Variants in GALNT14 observed in about 807,000 individuals in gnomAD.
GALNT14 encodes the protein polypeptide N-acetylgalactosaminyltransferase 14.
GALNT14 carries 60 observed loss-of-function variants against 77.5 expected under a neutral mutation model. That is an observed-to-expected ratio of 0.77 (90% CI 0.63 to 0.96). The LOEUF (loss-of-function observed/expected upper bound fraction) is 0.96, where lower values mean the gene tolerates loss of function less well. GALNT14 is among the 40% of genes least tolerant of loss of function. The pLI is 0.00. For synonymous variants in GALNT14, 280 were observed against 281.7 expected, an observed-to-expected ratio of 0.99 and a Z score of 0.06; for missense variants, 710 against 731.0, an observed-to-expected ratio of 0.97 and a Z score of 0.33.
At chr2:31,134,680 C>G (rs10168512) in intron 1 of GALNT14, among the ~76,000 whole-genome samples, 42,291 of 152,092 alleles carry the variant, frequency 0.28, 7,150 homozygotes, top group East Asian at 0.55. Context: ...GCCTTAGCAC[C>G]TCCCTTACAC....
chr2:31,022,499 A>C (rs115685529), intron 1 of GALNT14, among the ~76,000 whole-genome samples: 3,149 of 152,250 alleles, frequency 0.021, 124 homozygotes, highest in African/African-American at 0.071. Context: ...ACCTTTCCCC[A>C]AGTCAGAATC....
chr2:30,989,522 G>T (rs961197178), intron 2 of GALNT14, among the ~76,000 whole-genome samples: 1 of 134,560 alleles, frequency 7.4e-6, no homozygotes, highest in African/African-American at 2.8e-5. Flanking sequence ...GCAACAACTA[G>T]AATTTGAAAA....
chr2:31,129,064 A>G (rs1678845513), intron 1 of GALNT14, among the ~76,000 whole-genome samples: 1 of 152,190 alleles, frequency 6.6e-6, no homozygotes, highest in South Asian at 2.1e-4. Context: ...ATATGAAAAC[A>G]AACATATAAC....
chr2:31,094,209 C>G (rs767355438), intron 1 of GALNT14, among the ~76,000 whole-genome samples: 30 of 152,352 alleles, frequency 2.0e-4, no homozygotes, highest in Non-Finnish European at 3.2e-4. Flanking sequence ...TAATCTCCCC[C>G]ATCCTTAAGA....
intron 1 of GALNT14, among the ~76,000 whole-genome samples, chr2:31,038,296 G>A (rs1037389169): frequency 2.0e-5 from 3 of 151,484 alleles, no homozygotes; most frequent in African/African-American, 7.3e-5. Context: ...GTTTCGCAAT[G>A]TTGGCCAGGC....
chr2:31,043,725 T>C (rs1257439112), intron 1 of GALNT14, among the ~76,000 whole-genome samples: 1 of 152,184 alleles, frequency 6.6e-6, no homozygotes, highest in African/African-American at 2.4e-5. Context: ...TGAGGGCCTG[T>C]TACCTACTAG....
At chr2:31,119,255 A>G (rs1234594398) in intron 1 of GALNT14, among the ~76,000 whole-genome samples, 1 of 152,234 alleles carries the variant, frequency 6.6e-6, no homozygotes, top group Non-Finnish European at 1.5e-5. Flanking sequence ...ATATGGCAAT[A>G]TATACCATAA....
intron 13 of GALNT14, among the ~76,000 whole-genome samples, chr2:30,919,855 G>A (rs1664925675): frequency 6.6e-6 from 1 of 152,200 alleles, no homozygotes; most frequent in Admixed American, 6.5e-5. Flanking sequence ...TTGGGAGTAG[G>A]AGCCTCCATT....
At chr2:31,078,023 G>A (rs969512150) in intron 1 of GALNT14, among the ~76,000 whole-genome samples, 24 of 152,324 alleles carry the variant, frequency 1.6e-4, no homozygotes, top group Middle Eastern at 3.4e-3. Flanking sequence ...GAAGAAAACA[G>A]CTTAAGTCAG....
chr2:30,900,236 A>C, the GALNT14 span, among the ~76,000 whole-genome samples: 1 of 152,204 alleles, frequency 6.6e-6, no homozygotes, highest in African/African-American at 2.4e-5. Flanking sequence ...CCCAGAGTTT[A>C]TAAGAATAAA....
In GALNT14 at chr2:31,113,111, A is replaced by C. The variant is rs527643477; in HGVS notation, c.129+24847T>G. Among the ~76,000 whole-genome samples the C allele has an allele frequency of 5.3e-5, 8 of 152,342 alleles. No individual in the cohort carries two copies. The South Asian group carries it at 1.7e-3, about 32-fold the overall frequency. On this transcript the variant is annotated intron_variant, in intron 1 of 14. Coordinates refer to ENST00000349752, the MANE Select transcript of GALNT14 (RefSeq NM_024572.4). ...TTTCCTTAGATTTCAAAGAAATCTA[A>C]ATTTTAAAAGAATATTTGCTTGGAA...
chr2:31,064,087 A>G (rs1424559755), intron 1 of GALNT14, among the ~76,000 whole-genome samples: 1 of 152,112 alleles, frequency 6.6e-6, no homozygotes, highest in African/African-American at 2.4e-5. Context: ...TGGCTCCAAG[A>G]GCATGCAGAG....
At chr2:30,891,916 T>G in the GALNT14 span, among the ~76,000 whole-genome samples, 1 of 152,032 alleles carries the variant, frequency 6.6e-6, no homozygotes, top group Non-Finnish European at 1.5e-5. Flanking sequence ...TTCTTCTGCC[T>G]TATGTCCAGA....
At chr2:30,906,313 A>G (rs1262568379), downstream of GALNT14, among the ~76,000 whole-genome samples, 1 of 151,002 alleles carries the variant, frequency 6.6e-6, no homozygotes, top group African/African-American at 2.4e-5. Flanking sequence ...CAGGAAACCC[A>G]TCTCACGTGC....
chr2:30,958,528 G>C, intron 3 of GALNT14, 64 bp from the exon 4 acceptor site: 1 of 1,310,464 alleles, frequency 7.6e-7, no homozygotes, highest in African/African-American at 1.5e-5. Context: ...GTACTAACCC[G>C]AGTTTTAAAT....
In GALNT14 at chr2:30,958,417, A is replaced by G. The variant is rs1158844770; in HGVS notation, c.446T>C (p.Val149Ala). ...CTTACGGTCATTGCTGAAGTCATCC[A>G]CTAATATGATTTCCCGGATCAGATG... ...PTHLIREIIL[V>A]DDFSNDPDDC... is the part of the protein sequence containing the mutation. The change falls in exon 4 of 15, where the codon GTG (valine) becomes GCG (alanine). Residue 149 changes from valine (V) to alanine (A), a missense_variant. Physicochemically the swap from Val to Ala is moderately conservative, Grantham distance 64. Coordinates refer to ENST00000349752, the MANE Select transcript of GALNT14 (RefSeq NM_024572.4). 6.2e-7 allele frequency: 1 copy of G among 1,613,962 alleles called. No individual in the cohort carries two copies. The highest frequency in any genetic ancestry group is 8.5e-7 in the Non-Finnish European group (1 of 1,179,942).
intron 14 of GALNT14, among the ~76,000 whole-genome samples, chr2:30,911,372 A>C (rs1664348063): frequency 6.6e-6 from 1 of 152,178 alleles, no homozygotes; most frequent in African/African-American, 2.4e-5. Flanking sequence ...CTAAGAAACG[A>C]TCCACACTCA....
intron 1 of GALNT14, among the ~76,000 whole-genome samples, chr2:31,098,289 C>G (rs760023996): frequency 6.6e-6 from 1 of 152,126 alleles, no homozygotes; most frequent in Non-Finnish European, 1.5e-5. Context: ...TGCCTCTATC[C>G]TTCATGGCTT....
intron 9 of GALNT14, among the ~76,000 whole-genome samples, chr2:30,939,903 A>G (rs1470119222): frequency 6.6e-6 from 1 of 151,284 alleles, no homozygotes; most frequent in African/African-American, 2.4e-5. Context: ...TCCTTCACGC[A>G]CTCAGGTGCC....
Sources: gnomAD v4.1 joint callset for allele counts (sites outside exome capture counted in the v4.1 genomes callset) on GRCh38, gnomAD v4.1.1 for gene constraint, MANE v1.5 for transcripts, NCBI Gene and HGNC (gene_info 2026-07-23, HGNC 2026-07-21) for gene names.